The following TSPAN5 variants were observed in gnomAD, a reference collection of about 807,000 sequenced individuals.
TSPAN5 encodes the protein tetraspanin 5, also known as tetraspanin-5.
Under a neutral mutation model 37.1 loss-of-function variants are expected in TSPAN5, and 10 were observed. That is an observed-to-expected ratio of 0.27 (90% CI 0.17 to 0.46). TSPAN5 has a LOEUF of 0.46. Among genes scored for constraint, TSPAN5 ranks in the 20% least tolerant of loss-of-function variants. TSPAN5 has a pLI of 1.00. For missense variants in TSPAN5, 195 were observed against 326.6 expected (o/e 0.60, Z 3.11); for synonymous variants, 110 against 118.9 (o/e 0.93, Z 0.48).
chr4:98,604,057 G>C (rs1164490401), intron 1 of TSPAN5, among the ~76,000 whole-genome samples: 3 of 151,914 alleles, frequency 2.0e-5, no homozygotes, highest in African/African-American at 7.2e-5. Flanking sequence ...CCTCTGGAGT[G>C]TATGAAAACA....
chr4:98,598,400 C>T (rs1248363006), intron 1 of TSPAN5, among the ~76,000 whole-genome samples: 2 of 151,036 alleles, frequency 1.3e-5, no homozygotes, highest in African/African-American at 4.9e-5. Flanking sequence ...CCGTCTTCTG[C>T]GTCGCTCACG....
intron 1 of TSPAN5, among the ~76,000 whole-genome samples, chr4:98,655,521 A>G (rs1757278578): frequency 6.6e-6 from 1 of 152,230 alleles, no homozygotes; most frequent in Non-Finnish European, 1.5e-5. Flanking sequence ...CATATGTTCA[A>G]TTTTATTTTA....
intron 1 of TSPAN5, among the ~76,000 whole-genome samples, chr4:98,580,098 G>A (rs1221374404): frequency 6.6e-6 from 1 of 152,254 alleles, no homozygotes; most frequent in African/African-American, 2.4e-5. Context: ...CATTAGTGGA[G>A]AGAAAATAGA....
At chr4:98,624,856 A>G (rs144174590) in intron 1 of TSPAN5, among the ~76,000 whole-genome samples, 8 of 152,310 alleles carry the variant, frequency 5.3e-5, no homozygotes, top group African/African-American at 1.9e-4. Flanking sequence ...ATGGCAGCCT[A>G]CTTCCAGGAA....
chr4:98,566,560 C>T (rs1295333562), intron 1 of TSPAN5, among the ~76,000 whole-genome samples: 1 of 152,138 alleles, frequency 6.6e-6, no homozygotes, highest in African/African-American at 2.4e-5. Flanking sequence ...AAAAAAGATA[C>T]CATACAGAGG....
At chr4:98,521,930 G>A (rs1024238315) in intron 1 of TSPAN5, among the ~76,000 whole-genome samples, 1 of 152,098 alleles carries the variant, frequency 6.6e-6, no homozygotes, top group Non-Finnish European at 1.5e-5. Context: ...AAAAGTGACT[G>A]TTATTAAACA....
intron 2 of TSPAN5, among the ~76,000 whole-genome samples, chr4:98,487,980 T>C (rs1372139038): frequency 2.0e-5 from 3 of 152,210 alleles, no homozygotes; most frequent in Non-Finnish European, 4.4e-5. Flanking sequence ...TGAAGTTGTT[T>C]GGTACTCTCA....
intron 1 of TSPAN5, among the ~76,000 whole-genome samples, chr4:98,589,134 A>C (rs1755564298): frequency 6.6e-6 from 1 of 152,204 alleles, no homozygotes; most frequent in Non-Finnish European, 1.5e-5. Flanking sequence ...CTACGTGTGA[A>C]GAAAGTTCAC....
chr4:98,556,021 C>T (rs1200530320), intron 1 of TSPAN5, among the ~76,000 whole-genome samples: 1 of 140,040 alleles, frequency 7.1e-6, no homozygotes, highest in Non-Finnish European at 1.5e-5. Flanking sequence ...ACAGCACACA[C>T]CCCCACACAC....
At chr4:98,499,657 C>CTTTTTTTT (rs757802654) in intron 2 of TSPAN5, among the ~76,000 whole-genome samples, 1 of 108,088 alleles carries the variant, frequency 9.3e-6, no homozygotes, top group African/African-American at 3.8e-5. Context: ...GTTTCCAGCT[C>CTTTTTTTT]TTTTTTTTTT....
intron 1 of TSPAN5, among the ~76,000 whole-genome samples, chr4:98,582,351 C>T (rs971542815): frequency 1.3e-5 from 2 of 152,204 alleles, no homozygotes; most frequent in Non-Finnish European, 2.9e-5. Flanking sequence ...AGCTCAGACG[C>T]TGACCAGGAT....
intron 1 of TSPAN5, among the ~76,000 whole-genome samples, chr4:98,521,649 A>G (rs980674073): frequency 6.6e-6 from 1 of 152,242 alleles, no homozygotes; most frequent in African/African-American, 2.4e-5. Context: ...ATTGTTCCAC[A>G]GAAGAGTTTG....
At chr4:98,490,786 C>T (rs1753067756) in intron 2 of TSPAN5, among the ~76,000 whole-genome samples, 1 of 152,114 alleles carries the variant, frequency 6.6e-6, no homozygotes. Context: ...ATTGGCCCGG[C>T]TTGATGGCTC....
chr4:98,624,874 T>C (rs1312030656), intron 1 of TSPAN5, among the ~76,000 whole-genome samples: 1 of 152,056 alleles, frequency 6.6e-6, no homozygotes, highest in Non-Finnish European at 1.5e-5. Flanking sequence ...GAAGTGATCA[T>C]AAATACACAA....
At chr4:98,505,081 T>A (rs1295689276) in intron 2 of TSPAN5, among the ~76,000 whole-genome samples, 1 of 151,620 alleles carries the variant, frequency 6.6e-6, no homozygotes, top group Non-Finnish European at 1.5e-5. Flanking sequence ...CCTAATTACC[T>A]CCCCGCCAAA....
At chr4:98,523,183 T>C (rs907908471) in intron 1 of TSPAN5, among the ~76,000 whole-genome samples, 2 of 152,226 alleles carry the variant, frequency 1.3e-5, no homozygotes, top group Non-Finnish European at 2.9e-5. Flanking sequence ...TATCCATGTG[T>C]GTGCACTCTG....
intron 1 of TSPAN5, among the ~76,000 whole-genome samples, chr4:98,590,722 A>G (rs113431858): frequency 1.5e-4 from 22 of 150,508 alleles, no homozygotes; most frequent in South Asian, 4.2e-4. Context: ...AAAAAAAAAA[A>G]AGAGAGAGAG....
intron 3 of TSPAN5, chr4:98,483,106 T>C (rs1752884807): frequency 6.6e-6 from 1 of 152,194 alleles, no homozygotes; most frequent in African/African-American, 2.4e-5. Flanking sequence ...TCAAACTTTG[T>C]TGTTAAAATA....
At chr4:98,622,763 T>C (rs1756509603) in intron 1 of TSPAN5, among the ~76,000 whole-genome samples, 1 of 152,126 alleles carries the variant, frequency 6.6e-6, no homozygotes, top group Non-Finnish European at 1.5e-5. Context: ...CAGCAGGTCA[T>C]GGGCATGGAA....
Sources: allele counts gnomAD v4.1 joint callset (sites outside exome capture counted in the v4.1 genomes callset), GRCh38; gene constraint gnomAD v4.1.1; transcripts MANE v1.5; gene names NCBI Gene and HGNC (gene_info 2026-07-23, HGNC 2026-07-21).